Variants in HAUS6 observed in about 807,000 individuals in gnomAD.
The protein encoded by HAUS6 is HAUS augmin-like complex subunit 6.
HAUS6 carries 80 observed loss-of-function variants against 106.8 expected under a neutral mutation model. The ratio of observed to expected loss-of-function variants is 0.75; its 90% CI spans 0.63 to 0.90. The LOEUF (loss-of-function observed/expected upper bound fraction) is 0.90, where lower values mean the gene tolerates loss of function less well. Among genes scored for constraint, HAUS6 ranks in the 40% least tolerant of loss-of-function variants. The pLI is 0.00. For missense variants in HAUS6, 1,155 were observed against 1,118.1 expected, an observed-to-expected ratio of 1.03 and a Z score of -0.47; for synonymous variants, 356 against 379.1, an observed-to-expected ratio of 0.94 and a Z score of 0.71.
chr9:19,080,550 C>T lies in HAUS6; in HGVS notation c.993G>A (p.Thr331=), dbSNP rs139689694. The change falls in exon 9 of 17, where the codon ACG becomes ACA. Residue 331 remains threonine (T), a synonymous_variant. Coordinates refer to ENST00000380502, the MANE Select transcript of HAUS6 (RefSeq NM_017645.5). ...ERCQADQARL[T]VDLHYLEKET... is the part of the protein sequence containing the mutation. ...CTTTTTCAAGGTAGTGAAGGTCTAC[C>T]GTCAATCTTGCTTGATCAGCCTGAC... 161 of 1,607,590 alleles carry T rather than the reference C, an allele frequency of 1.0e-4. 1 individual carries two copies. In the African/African-American group the frequency reaches 1.5e-3, roughly 15 times the overall value.
intron 2 of HAUS6, among the ~76,000 whole-genome samples, chr9:19,095,182 A>G (rs562723136): frequency 6.6e-6 from 1 of 151,958 alleles, no homozygotes; most frequent in Non-Finnish European, 1.5e-5. Context: ...TTGTGGCTAA[A>G]CAAGACAGAA....
chr9:19,072,730 A>G (rs1402685473), intron 11 of HAUS6, among the ~76,000 whole-genome samples: 1 of 152,174 alleles, frequency 6.6e-6, no homozygotes, highest in Non-Finnish European at 1.5e-5. Flanking sequence ...TCCAAGAACT[A>G]AGCATATACT....
At position 19,055,952 on chromosome 9, in the gene HAUS6, CTAT is replaced by C. The variant is rs1455177160; in HGVS notation, c.*388_*390del. The C allele has an allele frequency of 1.9e-4, 32 of 165,374 alleles. No individual in the cohort carries two copies. Among genetic ancestry groups the C allele is most frequent in the African/African-American group, 7.4e-4 (31 of 41,946 alleles). The allele number at this position is 165,374 out of a possible 1,614,324, so 10.2% of individuals were successfully genotyped here. A position where few individuals can be genotyped will look rare whatever the true frequency, so the allele number is the denominator to read the frequency against. ...GATGAAAGATTAGTATATTCAATGG[CTAT>C]TATATTAACCATTTAGTGAACATAC... is the stretch of plus-strand genomic sequence containing the variant. On this transcript the variant is annotated 3_prime_UTR_variant, in exon 17 of 17. Transcript: ENST00000380502.
At chr9:19,099,439 T>G (rs1817941061) in intron 1 of HAUS6, among the ~76,000 whole-genome samples, 1 of 152,080 alleles carries the variant, frequency 6.6e-6, no homozygotes, top group African/African-American at 2.4e-5. Context: ...GTGCTGGAAT[T>G]ACAGGCGTGA....
rs773295871 is a variant in HAUS6, at chr9:19,102,530, A to T, written c.122T>A (p.Leu41His). ...CCGGCCCCGGCCTCCTTACACTCCG[A>T]GGTGCGTGTGCGACACGATCTTTCC... ...ACGKIVSHTH[L>H]GVNMFDKLNR... The change falls in exon 1 of 17, where the codon CTC becomes CAC. Residue 41 changes from leucine to histidine, a missense_variant. Around this residue, in one of 3 missense-constraint regions of HAUS6, gnomAD observed 761 missense variants for 690.0 expected, o/e 1.10. Coordinates refer to ENST00000380502, the MANE Select transcript of HAUS6 (RefSeq NM_017645.5). 1.5e-5 allele frequency: 24 copies of T among 1,613,486 alleles called. No homozygotes were observed. The South Asian group carries it at 2.6e-4, about 18-fold the overall frequency.
chr9:19,084,765 T>A (rs1837248423), intron 7 of HAUS6, among the ~76,000 whole-genome samples: 1 of 151,856 alleles, frequency 6.6e-6, no homozygotes, highest in African/African-American at 2.4e-5. Flanking sequence ...CCCAAATAGC[T>A]GGGACTACAG....
rs1817700905 is a variant in HAUS6 at position 19,089,519 on chromosome 9, T to C, written c.477A>G (p.Pro159=). The change falls in exon 5 of 17, where the codon CCA becomes CCG. Residue 159 remains proline, a synonymous_variant. Coordinates refer to ENST00000380502, the MANE Select transcript of HAUS6 (RefSeq NM_017645.5). The part of the protein sequence containing the change: ...HHFVETFNIK[P]QDLHKCIARC... ...TGGCAATGCATTTGTGCAAGTCCTG[T>C]GGTTTTATGTTAAATGTCTCTACAA... is the stretch of plus-strand genomic sequence containing the variant. 1.2e-6 allele frequency: 2 copies of C among 1,610,702 alleles called. No individual in the cohort carries two copies. Among genetic ancestry groups the C allele is most frequent in the African/African-American group, 2.7e-5 (2 of 74,880 alleles).
rs1836530685 is a variant in HAUS6 at position 19,058,451 on chromosome 9, A to G, written c.2316T>C (p.Asp772=). The G allele has an allele frequency of 6.3e-7, 1 of 1,598,612 alleles. No homozygotes were observed. The highest frequency in any genetic ancestry group is 8.6e-7 in the Non-Finnish European group (1 of 1,168,346). ...GGAGAGTTTCGTGTAATATGCCAAA[A>G]TCATTATCTTTAAAACTCTTAGAAC... ...GISSKSFKDN[D]FGILHETLPE... is the part of the protein sequence containing the mutation. Residue 772 remains aspartate (D), a synonymous_variant, in exon 16 of 17, where the codon GAT becomes GAC. Transcript: ENST00000380502.
intron 11 of HAUS6, among the ~76,000 whole-genome samples, chr9:19,070,787 G>C (rs903912238): frequency 2.6e-5 from 4 of 152,208 alleles, no homozygotes; most frequent in Non-Finnish European, 4.4e-5. Flanking sequence ...AGTCAGTCTA[G>C]GAAAGGATAG....
intron 1 of HAUS6, among the ~76,000 whole-genome samples, chr9:19,101,628 T>TA (rs1257343965): frequency 2.6e-5 from 4 of 151,064 alleles, no homozygotes; most frequent in Non-Finnish European, 5.9e-5. Context: ...AATAATACTT[T>TA]AAAAAAATAG....
intron 4 of HAUS6, among the ~76,000 whole-genome samples, chr9:19,092,783 G>C (rs1189742180): frequency 4.6e-5 from 7 of 151,630 alleles, no homozygotes; most frequent in Admixed American, 4.0e-4. Flanking sequence ...AAATTAGCCA[G>C]TCATGGTGGC....
At chr9:19,100,026 C>G (rs1283239614) in intron 1 of HAUS6, among the ~76,000 whole-genome samples, 13 of 152,176 alleles carry the variant, frequency 8.5e-5, no homozygotes, top group Admixed American at 2.0e-4. Context: ...AACCCGGTCT[C>G]TACTAAAAAT....
intron 1 of HAUS6, among the ~76,000 whole-genome samples, chr9:19,099,415 C>G (rs1205847479): frequency 6.6e-6 from 1 of 152,120 alleles, no homozygotes; most frequent in African/African-American, 2.4e-5. Flanking sequence ...ATCCGCCCAT[C>G]TCGGCCTCCC....
chr9:19,063,229 T>C (rs1467306325), intron 13 of HAUS6, 36 bp from the exon 14 acceptor site: 3 of 1,341,700 alleles, frequency 2.2e-6, no homozygotes, highest in Non-Finnish European at 3.1e-6. Context: ...AAACCCTTAA[T>C]AATCATGGCT....
chr9:19,058,922 A>C lies in HAUS6; in HGVS notation c.1845T>G (p.Ala615=). Residue 615 remains alanine (A), a synonymous_variant, in exon 16 of 17, where the codon GCT becomes GCG. Transcript: ENST00000380502. The part of the protein sequence containing the change: ...NRTKEPIQMD[A]EHREVLPESL... ...ATTCTGGCAATACTTCTCTATGTTC[A>C]GCATCCATTTGAATTGGTTCTTTAG... 2 of 1,589,542 alleles carry C rather than the reference A, an allele frequency of 1.3e-6. No individual in the cohort carries two copies. Among genetic ancestry groups the C allele is most frequent in the Non-Finnish European group, 1.7e-6 (2 of 1,157,640 alleles).
chr9:19,071,137 A>G (rs1200974523), intron 11 of HAUS6, among the ~76,000 whole-genome samples: 2 of 152,248 alleles, frequency 1.3e-5, no homozygotes, highest in African/African-American at 4.8e-5. Flanking sequence ...ACACCATGAA[A>G]AACAGGCAGT....
intron 5 of HAUS6, among the ~76,000 whole-genome samples, chr9:19,087,864 A>AAAAAAAAAAAAAAG (rs1817655633): frequency 6.7e-6 from 1 of 148,602 alleles, no homozygotes; most frequent in Non-Finnish European, 1.5e-5. Flanking sequence ...AAAAAAAAAA[A>AAAAAAAAAAAAAAG]AAAAAAACCA....
At chr9:19,057,105 TACTA>T (rs1020697328) in intron 16 of HAUS6, 2 of 152,212 alleles carry the variant, frequency 1.3e-5, no homozygotes, top group African/African-American at 2.4e-5. Flanking sequence ...TAATTATTAA[TACTA>T]ACTGTTATGA....
In HAUS6 at chr9:19,063,037, G is replaced by T; in HGVS notation, c.1600C>A (p.Gln534Lys). 1 of 1,610,764 alleles carries T rather than the reference G, an allele frequency of 6.2e-7. No individual in the cohort carries two copies. Among genetic ancestry groups the T allele is most frequent in the Non-Finnish European group, 8.5e-7 (1 of 1,179,144 alleles). The change falls in exon 14 of 17, where the codon CAA becomes AAA. Residue 534 changes from glutamine (Q) to lysine (K), a missense_variant. This residue lies in a region of HAUS6 where 761 missense variants were observed against 690.0 expected (regional missense o/e 1.10). Transcript: ENST00000380502. ...TCTACCAGATGATCTTGCTCTTTTT[G>T]AAATGGATCACTTTTTTTAGCTGGC... ...SLPAKKSDPF[Q>K]KEQDHLVEEV...
Sources: gnomAD v4.1 joint callset for allele counts (sites outside exome capture counted in the v4.1 genomes callset) on GRCh38, gnomAD v4.1.1 for gene constraint, gnomAD v4.1.1 regional missense constraint, MANE v1.5 for transcripts, NCBI Gene and HGNC (gene_info 2026-07-23, HGNC 2026-07-21) for gene names.